The following SLC24A2 variants were observed in gnomAD, a reference collection of about 807,000 sequenced individuals.
The protein encoded by SLC24A2 is sodium/potassium/calcium exchanger 2.
SLC24A2 carries 36 observed loss-of-function variants against 62.0 expected under a neutral mutation model. The observed-to-expected ratio is 0.58, with a 90% CI of 0.44 to 0.77. The LOEUF (loss-of-function observed/expected upper bound fraction) is 0.77. Among genes scored for constraint, SLC24A2 ranks in the 30% least tolerant of loss-of-function variants. The pLI, the probability that SLC24A2 is intolerant of heterozygous loss-of-function variation, is 0.00. For missense variants in SLC24A2, 846 were observed against 817.9 expected, an observed-to-expected ratio of 1.03 and a Z score of -0.42; for synonymous variants, 358 against 294.0, an observed-to-expected ratio of 1.22 and a Z score of -2.23.
At chr9:20,029,016 T>C in the SLC24A2 span, among the ~76,000 whole-genome samples, 2 of 152,192 alleles carry the variant, frequency 1.3e-5, no homozygotes, top group East Asian at 3.8e-4. Flanking sequence ...CTTGAAAGTT[T>C]GGGTGAACCT....
At chr9:20,094,880 T>C in the SLC24A2 span, among the ~76,000 whole-genome samples, 1 of 152,188 alleles carries the variant, frequency 6.6e-6, no homozygotes, top group South Asian at 2.1e-4. Context: ...TGAAAAGTTA[T>C]TTAATATTTC....
chr9:19,714,560 A>G (rs1288755224), intron 2 of SLC24A2, among the ~76,000 whole-genome samples: 2 of 152,234 alleles, frequency 1.3e-5, no homozygotes, highest in African/African-American at 4.8e-5. Context: ...GGCAACCCAC[A>G]TCACTTACCT....
In SLC24A2 at chr9:19,557,932, ACTTT is replaced by A. The variant is rs1835179792; in HGVS notation, c.1348-7668_1348-7665del. ...CTCCCTGGGCTCAAGCAATCCTCCCACTTTAGCCTCCCAAGTAGCTGAGACTACA... is the reference window on the plus strand; with the variant it reads ...CTCCCTGGGCTCAAGCAATCCTCCCAAGCCTCCCAAGTAGCTGAGACTACA... On this transcript the variant is annotated intron_variant, in intron 7 of 10. Coordinates refer to ENST00000341998, the MANE Select transcript of SLC24A2 (RefSeq NM_020344.4). 3.4e-5 allele frequency among the ~76,000 whole-genome samples: 5 copies of A among 149,036 alleles called. No homozygotes were observed. The South Asian group carries it at 1.1e-3, about 32-fold the overall frequency.
the SLC24A2 span, among the ~76,000 whole-genome samples, chr9:20,131,548 G>C: frequency 6.6e-6 from 1 of 152,158 alleles, no homozygotes; most frequent in African/African-American, 2.4e-5. Flanking sequence ...TGTAGCAAAA[G>C]TCAAAGGCCT....
At chr9:19,563,709 T>TGTCGCCTAGGCTGGAGTGCACTAGGG (rs1563968510) in intron 7 of SLC24A2, among the ~76,000 whole-genome samples, 4 of 140,236 alleles carry the variant, frequency 2.9e-5, no homozygotes, top group African/African-American at 9.4e-5. Flanking sequence ...TTACTTCCTT[T>TGTCGCCTAGGCTGGAGTGCACTAGGG]TCCAACAATC....
chr9:20,189,092 T>TCCC, the SLC24A2 span, among the ~76,000 whole-genome samples: 12 of 142,876 alleles, frequency 8.4e-5, no homozygotes, highest in East Asian at 4.1e-4. Flanking sequence ...TTTTTTTTTT[T>TCCC]CCCAGTTGAT....
rs544650055 is a variant in SLC24A2 at position 19,685,226 on chromosome 9, G to A, written c.931-62927C>T. On this transcript the variant is annotated intron_variant, in intron 2 of 10. Transcript: ENST00000341998. The stretch of plus-strand genomic sequence containing the variant: ...CAGAGAGGTGAAAGATCTCTACAAT[G>A]AGAATTACAAAACATTGCTCAAAGA... 2.6e-5 allele frequency among the ~76,000 whole-genome samples: 4 copies of A among 152,192 alleles called. No homozygotes were observed. In the South Asian group the frequency reaches 8.3e-4, roughly 32 times the overall value.
the SLC24A2 span, among the ~76,000 whole-genome samples, chr9:19,943,041 G>A: frequency 2.6e-5 from 4 of 152,044 alleles, no homozygotes; most frequent in Admixed American, 1.3e-4. Context: ...ATCTGCATGA[G>A]GGTCTTAGAA....
At chr9:20,297,265 C>A in the SLC24A2 span, among the ~76,000 whole-genome samples, 3 of 152,168 alleles carry the variant, frequency 2.0e-5, no homozygotes, top group African/African-American at 2.4e-5. Context: ...ACAGATTGAG[C>A]CTCAAAATCC....
chr9:20,188,654 G>A, the SLC24A2 span, among the ~76,000 whole-genome samples: 6 of 152,152 alleles, frequency 3.9e-5, no homozygotes, highest in Admixed American at 3.9e-4. Flanking sequence ...AGGCAGAAGG[G>A]TCAGAGTCAG....
intron 1 of SLC24A2, among the ~76,000 whole-genome samples, chr9:19,787,510 T>C (rs1587328351): frequency 1.3e-5 from 2 of 152,364 alleles, no homozygotes; most frequent in East Asian, 3.9e-4. Flanking sequence ...GGCAACTTTT[T>C]CTGATTTAAC....
the SLC24A2 span, among the ~76,000 whole-genome samples, chr9:20,053,053 T>A: frequency 6.6e-6 from 1 of 152,226 alleles, no homozygotes; most frequent in South Asian, 2.1e-4. Flanking sequence ...TATTTGAAAC[T>A]GACTGAGATA....
the SLC24A2 span, among the ~76,000 whole-genome samples, chr9:20,024,699 G>C: frequency 6.6e-6 from 1 of 152,164 alleles, no homozygotes; most frequent in East Asian, 1.9e-4. Context: ...TGCGTGTCCA[G>C]CTTTAAAGAA....
At chr9:19,636,937 C>G (rs1437946807) in intron 2 of SLC24A2, among the ~76,000 whole-genome samples, 2 of 152,028 alleles carry the variant, frequency 1.3e-5, no homozygotes, top group South Asian at 2.1e-4. Flanking sequence ...TTCAAAATAC[C>G]CTTTGGAAGC....
the SLC24A2 span, among the ~76,000 whole-genome samples, chr9:20,083,686 G>C: frequency 6.6e-6 from 1 of 152,170 alleles, no homozygotes; most frequent in Non-Finnish European, 1.5e-5. Context: ...GCTCATATTT[G>C]CAGTGGCCAG....
intron 2 of SLC24A2, among the ~76,000 whole-genome samples, 175 bp from the exon 3 acceptor site, chr9:19,622,474 A>T (rs930911467): frequency 1.3e-5 from 2 of 152,234 alleles, no homozygotes; most frequent in African/African-American, 4.8e-5. Context: ...TAGCCAAAAT[A>T]TAATGGTTTA....
At chr9:19,928,887 G>C in the SLC24A2 span, 1 of 152,132 alleles carries the variant, frequency 6.6e-6, no homozygotes, top group African/African-American at 2.4e-5. Context: ...TCCATGCTGT[G>C]AGCCTTCAGG....
At chr9:20,119,044 G>A in the SLC24A2 span, among the ~76,000 whole-genome samples, 3 of 152,118 alleles carry the variant, frequency 2.0e-5, no homozygotes, top group Non-Finnish European at 4.4e-5. Flanking sequence ...AATTGAGAGT[G>A]GTTTTAAAGA....
intron 9 of SLC24A2, among the ~76,000 whole-genome samples, chr9:19,521,482 A>AG (rs1384240493): frequency 6.6e-6 from 1 of 152,216 alleles, no homozygotes; most frequent in Non-Finnish European, 1.5e-5. Context: ...ACTGACACCC[A>AG]GGGTCTCCAT....
Sources: gnomAD v4.1 joint callset for allele counts (sites outside exome capture counted in the v4.1 genomes callset) on GRCh38, gnomAD v4.1.1 for gene constraint, MANE v1.5 for transcripts, NCBI Gene and HGNC (gene_info 2026-07-23, HGNC 2026-07-21) for gene names.